FBXO36: variants seen among roughly 807,000 people sequenced by gnomAD.
The protein encoded by FBXO36 is F-box protein 36.
In FBXO36, 18 loss-of-function variants were observed where a neutral mutation model predicts 17.0. That is an observed-to-expected ratio of 1.06 (90% CI 0.73 to 1.57). The LOEUF is 1.57. FBXO36 is among the 40% of genes most tolerant of loss of function. The pLI is 0.00. For missense variants in FBXO36, 229 were observed against 221.9 expected (o/e 1.03, Z -0.20); for synonymous variants, 83 against 85.3 (o/e 0.97, Z 0.15).
chr2:229,927,106 C>T (rs935154094), intron 1 of FBXO36, among the ~76,000 whole-genome samples: 21 of 152,240 alleles, frequency 1.4e-4, no homozygotes, highest in Admixed American at 1.2e-3. Context: ...GTGATCTGCC[C>T]GCCTTGGCCT....
chr2:229,985,092 C>T (rs535575157), intron 2 of FBXO36, among the ~76,000 whole-genome samples: 44 of 152,220 alleles, frequency 2.9e-4, no homozygotes, highest in South Asian at 2.5e-3. Context: ...CAGGATGCAG[C>T]GCAAATGGCA....
chr2:229,965,564 C>A (rs2077147921), intron 1 of FBXO36, among the ~76,000 whole-genome samples: 1 of 148,544 alleles, frequency 6.7e-6, no homozygotes, highest in Non-Finnish European at 1.5e-5. Context: ...GTGATGTTCC[C>A]CTTCCTGTGT....
intron 3 of FBXO36, among the ~76,000 whole-genome samples, chr2:230,006,509 C>T (rs965293830): frequency 6.6e-6 from 1 of 152,164 alleles, no homozygotes. Context: ...TATATGGATA[C>T]ACTTCAGGGC....
intron 2 of FBXO36, among the ~76,000 whole-genome samples, chr2:229,983,669 C>T (rs1369606592): frequency 6.6e-6 from 1 of 152,186 alleles, no homozygotes; most frequent in Non-Finnish European, 1.5e-5. Context: ...ACTCTTAACA[C>T]TACCAAGTAT....
At chr2:229,998,851 G>T (rs2077341727) in intron 3 of FBXO36, among the ~76,000 whole-genome samples, 1 of 142,520 alleles carries the variant, frequency 7.0e-6, no homozygotes, top group Non-Finnish European at 1.5e-5. Context: ...CGCCCAGGCT[G>T]AAGTGCAGTG....
chr2:229,975,615 C>T (rs1193598138), intron 1 of FBXO36, among the ~76,000 whole-genome samples: 2 of 151,482 alleles, frequency 1.3e-5, no homozygotes, highest in East Asian at 3.9e-4. Context: ...GTGGGGACTA[C>T]AGAGCACACC....
intron 3 of FBXO36, among the ~76,000 whole-genome samples, chr2:230,009,074 A>G (rs2077401555): frequency 6.6e-6 from 1 of 152,196 alleles, no homozygotes; most frequent in South Asian, 2.1e-4. Context: ...ATCATGAAGT[A>G]TGGAAGGAAG....
intron 1 of FBXO36, among the ~76,000 whole-genome samples, chr2:229,956,303 G>T (rs1337655683): frequency 6.6e-6 from 1 of 152,168 alleles, no homozygotes; most frequent in Admixed American, 6.6e-5. Flanking sequence ...TCCTGCCATG[G>T]TCTTTTCTCT....
intron 2 of FBXO36, chr2:229,976,969 C>T (rs1452035385): frequency 6.6e-6 from 1 of 152,014 alleles, no homozygotes; most frequent in East Asian, 1.9e-4. Flanking sequence ...TGAGGGAAAA[C>T]TTTTATACGG....
chr2:229,987,472 C>T (rs1056967102), intron 2 of FBXO36, among the ~76,000 whole-genome samples: 3 of 151,942 alleles, frequency 2.0e-5, no homozygotes, highest in Admixed American at 2.0e-4. Context: ...TTTCATAGAA[C>T]TAACTTTTAG....
At chr2:229,922,902 G>A (rs956673893) in intron 1 of FBXO36, among the ~76,000 whole-genome samples, 1 of 152,198 alleles carries the variant, frequency 6.6e-6, no homozygotes, top group East Asian at 1.9e-4. Context: ...TCCTCCGCGC[G>A]AAGAGGAAAA....
At chr2:229,935,246 T>C (rs1324602319) in intron 1 of FBXO36, among the ~76,000 whole-genome samples, 4 of 152,186 alleles carry the variant, frequency 2.6e-5, no homozygotes, top group Non-Finnish European at 4.4e-5. Context: ...GCAGGTATAA[T>C]TGGAGCAGAG....
chr2:229,942,425 G>T (rs920498114), intron 1 of FBXO36, among the ~76,000 whole-genome samples: 1 of 151,934 alleles, frequency 6.6e-6, no homozygotes, highest in Non-Finnish European at 1.5e-5. Context: ...AAAAATGCTG[G>T]TTAGGACCTT....
At chr2:229,968,747 C>T (rs947922089) in intron 1 of FBXO36, among the ~76,000 whole-genome samples, 3 of 152,068 alleles carry the variant, frequency 2.0e-5, no homozygotes, top group Admixed American at 6.6e-5. Context: ...GGATTACAAG[C>T]ATGAGCCACC....
intron 1 of FBXO36, among the ~76,000 whole-genome samples, chr2:229,973,059 C>CAA (rs1317082401): frequency 3.6e-5 from 4 of 112,506 alleles, no homozygotes; most frequent in Admixed American, 9.2e-5. Context: ...GACTCTGTCT[C>CAA]AAAAAAAAAA....
intron 1 of FBXO36, among the ~76,000 whole-genome samples, chr2:229,968,957 A>G (rs750760143): frequency 6.6e-6 from 1 of 151,704 alleles, no homozygotes; most frequent in African/African-American, 2.4e-5. Context: ...TGTTTTTAGT[A>G]GAGACGGGGT....
At chr2:230,007,459 C>G (rs983684209) in intron 3 of FBXO36, among the ~76,000 whole-genome samples, 8 of 152,164 alleles carry the variant, frequency 5.3e-5, no homozygotes, top group Non-Finnish European at 1.2e-4. Flanking sequence ...GCAGGTGAAG[C>G]CCCTGGGGCA....
At chr2:229,949,550 C>G (rs1273860322) in intron 1 of FBXO36, among the ~76,000 whole-genome samples, 2 of 151,788 alleles carry the variant, frequency 1.3e-5, no homozygotes, top group Non-Finnish European at 2.9e-5. Context: ...CACACACACA[C>G]ACACACACAC....
chr2:229,982,380 A>G (rs969202486), intron 2 of FBXO36, among the ~76,000 whole-genome samples: 14 of 152,066 alleles, frequency 9.2e-5, no homozygotes, highest in African/African-American at 3.4e-4. Flanking sequence ...CTCACGAGGC[A>G]TCACTCTCAC....
Sources: allele counts gnomAD v4.1 joint callset (sites outside exome capture counted in the v4.1 genomes callset), GRCh38; gene constraint gnomAD v4.1.1; transcripts MANE v1.5; gene names NCBI Gene and HGNC (gene_info 2026-07-23, HGNC 2026-07-21).